ASAH2: variants seen among roughly 807,000 people sequenced by gnomAD.
ASAH2 encodes the protein neutral ceramidase.
A neutral mutation model predicts 82.9 loss-of-function variants in ASAH2; 58 were observed. The ratio of observed to expected loss-of-function variants is 0.70; its 90% CI spans 0.57 to 0.87. ASAH2 has a LOEUF of 0.87. Among genes scored for constraint, ASAH2 ranks in the 40% least tolerant of loss-of-function variants. ASAH2 has a pLI of 0.00. For synonymous variants in ASAH2, 276 were observed against 289.7 expected (o/e 0.95, Z 0.48); for missense variants, 779 against 834.0 (o/e 0.93, Z 0.81).
intron 2 of ASAH2, among the ~76,000 whole-genome samples, chr10:50,246,835 T>A (rs1169749086): frequency 6.6e-6 from 1 of 152,218 alleles, no homozygotes; most frequent in African/African-American, 2.4e-5. Flanking sequence ...GCTTCACTGC[T>A]ACCAGCATAG....
chr10:50,221,288 C>T (rs1353291197), intron 7 of ASAH2, among the ~76,000 whole-genome samples: 3 of 152,036 alleles, frequency 2.0e-5, no homozygotes, highest in African/African-American at 4.8e-5. Flanking sequence ...TTTGGAGTTT[C>T]TTTAGTTTGG....
At chr10:50,249,072 C>T (rs1431463152) in intron 1 of ASAH2, among the ~76,000 whole-genome samples, 1 of 152,166 alleles carries the variant, frequency 6.6e-6, no homozygotes, top group Non-Finnish European at 1.5e-5. Context: ...TGGGAGAAGG[C>T]TGGCTGGGGT....
chr10:50,216,069 C>G (rs993379586), intron 8 of ASAH2, among the ~76,000 whole-genome samples: 8 of 151,406 alleles, frequency 5.3e-5, no homozygotes, highest in African/African-American at 1.7e-4. Flanking sequence ...GAACAGAAAA[C>G]CAAACACCAC....
chr10:50,223,353 C>T (rs1433052925), intron 7 of ASAH2, among the ~76,000 whole-genome samples: 1 of 152,084 alleles, frequency 6.6e-6, no homozygotes, highest in African/African-American at 2.4e-5. Context: ...GCAAGCTGTG[C>T]CCTGTACAAA....
intron 7 of ASAH2, among the ~76,000 whole-genome samples, chr10:50,232,283 A>G (rs976750577): frequency 2.0e-5 from 3 of 152,162 alleles, no homozygotes; most frequent in Admixed American, 6.6e-5. Flanking sequence ...CATTATTATC[A>G]ACATTTTAAA....
intron 4 of ASAH2, among the ~76,000 whole-genome samples, chr10:50,237,445 A>C (rs1437028596): frequency 6.6e-6 from 1 of 152,222 alleles, no homozygotes. Flanking sequence ...AAGTGATTAC[A>C]TATGACTTGT....
At chr10:50,247,356 G>C (rs745955295) in intron 2 of ASAH2, among the ~76,000 whole-genome samples, 2 of 151,456 alleles carry the variant, frequency 1.3e-5, no homozygotes, top group Non-Finnish European at 2.9e-5. Context: ...GCAGAGACAG[G>C]GTTTTGCCAC....
At chr10:50,200,962 CT>C (rs1157857376) in intron 16 of ASAH2, among the ~76,000 whole-genome samples, 2 of 152,016 alleles carry the variant, frequency 1.3e-5, no homozygotes, top group South Asian at 2.1e-4. Context: ...CTACGCCCCC[CT>C]ATCCTGTACC....
chr10:50,248,271 C>T (rs569878470), intron 2 of ASAH2, among the ~76,000 whole-genome samples: 30 of 152,300 alleles, frequency 2.0e-4, no homozygotes, highest in African/African-American at 7.2e-4. Flanking sequence ...TGTCAGAATG[C>T]CTGTCAGCTG....
chr10:50,243,135 T>C, intron 4 of ASAH2, 67 bp downstream of exon 4: 1 of 1,561,926 alleles, frequency 6.4e-7, no homozygotes, highest in Non-Finnish European at 8.8e-7. Flanking sequence ...TTATTTCCTG[T>C]CACATTCACC....
At chr10:50,198,153 C>G (rs1845039940) in intron 17 of ASAH2, 1 of 151,900 alleles carries the variant, frequency 6.6e-6, no homozygotes, top group African/African-American at 2.4e-5. Context: ...TCATTCATTT[C>G]AACTTAATAT....
rs1183570052 is a variant in ASAH2, at chr10:50,199,370, A to G, written c.1762-224T>C. 7.2e-4 allele frequency among the ~76,000 whole-genome samples: 110 copies of G among 152,096 alleles called. 2 individuals are homozygous for G. Among genetic ancestry groups the G allele is most frequent in the Admixed American group, 6.4e-3 (98 of 15,256 alleles). On this transcript the variant is annotated intron_variant, in intron 16 of 20. Coordinates refer to ENST00000682911, the MANE Select transcript of ASAH2 (RefSeq NM_019893.4). ...TAAAAGCAGTGGGTTCTCTCGGCTT[A>G]TGCCATTTAGACTGTCACTCTATTT...
intron 8 of ASAH2, among the ~76,000 whole-genome samples, chr10:50,217,290 C>T (rs1845630040): frequency 6.7e-6 from 1 of 149,088 alleles, no homozygotes; most frequent in Non-Finnish European, 1.5e-5. Context: ...TGCAATGGCA[C>T]GATCTTGGCT....
In ASAH2 at chr10:50,231,934, A is replaced by C. The variant is rs932809130; in HGVS notation, c.893+1250T>G. On this transcript the variant is annotated intron_variant, in intron 7 of 20. Transcript: ENST00000682911. ...AGTTTTGTATGCATTATCTCATTTA[A>C]TCCTCAGACAACCCTATGGGGTATT... Among the ~76,000 whole-genome samples the C allele has an allele frequency of 4.6e-5, 7 of 152,268 alleles. No homozygotes were observed. The East Asian group carries it at 1.4e-3, about 29-fold the overall frequency.
intron 7 of ASAH2, among the ~76,000 whole-genome samples, chr10:50,231,968 C>A (rs1159061115): frequency 6.6e-6 from 1 of 152,112 alleles, no homozygotes; most frequent in Non-Finnish European, 1.5e-5. Flanking sequence ...TTACTATTCC[C>A]ATTTTCAAAT....
chr10:50,194,487 T>C (rs1405435643), intron 18 of ASAH2, among the ~76,000 whole-genome samples: 3 of 151,156 alleles, frequency 2.0e-5, no homozygotes, highest in Non-Finnish European at 4.4e-5. Flanking sequence ...AAAGAGAATC[T>C]ACAAAAAATC....
intron 7 of ASAH2, among the ~76,000 whole-genome samples, chr10:50,230,902 G>A (rs1317812958): frequency 2.0e-5 from 3 of 152,006 alleles, no homozygotes; most frequent in African/African-American, 7.2e-5. Context: ...ATAGCCAGGT[G>A]TGGTGGTGAG....
chr10:50,212,981 C>G lies in ASAH2; in HGVS notation c.1218G>C (p.Gln406His). 1 of 1,613,650 alleles carries G rather than the reference C, an allele frequency of 6.2e-7. No homozygotes were observed. The highest frequency in any genetic ancestry group is 2.2e-5 in the East Asian group (1 of 44,876). The change falls in exon 10 of 21, where the codon CAG becomes CAC. Residue 406 changes from glutamine (Q) to histidine (H), a missense_variant. Physicochemically the swap from Gln to His is conservative, Grantham distance 24. This residue lies in a region of ASAH2 where 759 missense variants were observed against 755.2 expected (regional missense o/e 1.00). Transcript: ENST00000682911. ...GAGGCCCATGGCTTACCTTTGCTCT[C>G]TGATACATGGCCCGTCCTATAATTT... ...STQIIGRAMY[Q>H]RAKELYASAS... is the part of the protein sequence containing the mutation.
intron 12 of ASAH2, among the ~76,000 whole-genome samples, chr10:50,206,983 T>C (rs1845316777): frequency 6.6e-6 from 1 of 151,778 alleles, no homozygotes; most frequent in Non-Finnish European, 1.5e-5. Flanking sequence ...ATACAAAATA[T>C]GTTTTCCAAA....
Sources: allele counts gnomAD v4.1 joint callset (sites outside exome capture counted in the v4.1 genomes callset), GRCh38; gene constraint gnomAD v4.1.1; regional missense constraint gnomAD v4.1.1; transcripts MANE v1.5; gene names NCBI Gene and HGNC (gene_info 2026-07-23, HGNC 2026-07-21).